The following TICRR variants were observed in gnomAD, a reference collection of about 807,000 sequenced individuals.
The protein encoded by TICRR is treslin.
A neutral mutation model predicts 178.1 loss-of-function variants in TICRR; 132 were observed. The ratio of observed to expected loss-of-function variants is 0.74; its 90% confidence interval spans 0.64 to 0.86. The LOEUF (loss-of-function observed/expected upper bound fraction) is 0.86, where lower values mean the gene tolerates loss of function less well. TICRR is among the 40% of genes least tolerant of loss of function. The probability of loss-of-function intolerance (pLI) is 0.00; values close to 1 mark genes in which losing one functional copy is unlikely to be tolerated. For missense variants in TICRR, 2,587 were observed against 2,334.3 expected (o/e 1.11, Z -2.23); for synonymous variants, 991 against 900.7 (o/e 1.10, Z -1.79).
chr15:89,605,255 G>A (rs1049729741), intron 13 of TICRR, among the ~76,000 whole-genome samples: 2 of 152,216 alleles, frequency 1.3e-5, no homozygotes, highest in Non-Finnish European at 1.5e-5. Context: ...AAAGAAACGA[G>A]CATGACTATG....
At chr15:89,614,360 G>T (rs1273294071) in intron 15 of TICRR, among the ~76,000 whole-genome samples, 1 of 150,250 alleles carries the variant, frequency 6.7e-6, no homozygotes. Flanking sequence ...TGTCACTCAG[G>T]CTGGAGTGCA....
chr15:89,601,194 T>C lies in TICRR; in HGVS notation c.2154-104T>C. ...TTAGAAAAGGCACTGGCTCTCCTCC[T>C]TTTTGGTTGTTGTGTCTTATATAAA... On this transcript the variant is annotated intron_variant, in intron 9 of 21. Coordinates refer to ENST00000268138, the MANE Select transcript of TICRR (RefSeq NM_152259.4). The C allele has an allele frequency of 5.4e-6, 5 of 920,670 alleles. No homozygotes were observed. The South Asian group carries it at 8.8e-5, about 16-fold the overall frequency. 57.0% of individuals were successfully genotyped at this position (920,670 alleles called of 1,614,324 possible).
chr15:89,625,924 G>T lies in TICRR; in HGVS notation c.5477-12G>T, dbSNP rs761612851. The T allele has an allele frequency of 1.2e-5, 19 of 1,556,454 alleles. No individual in the cohort carries two copies. The highest frequency in any genetic ancestry group is 3.8e-5 in the South Asian group (3 of 79,308). On this transcript the variant is annotated splice_polypyrimidine_tract_variant and intron_variant, in intron 20 of 21. Coordinates refer to ENST00000268138, the MANE Select transcript of TICRR (RefSeq NM_152259.4). ...CTGGGGACGCTGCTCTTACTATGTG[G>T]GATCTCTTTAGGCTCCACCCCACCT...
intron 13 of TICRR, among the ~76,000 whole-genome samples, chr15:89,605,491 C>T (rs943997257): frequency 4.6e-5 from 7 of 152,130 alleles, no homozygotes; most frequent in African/African-American, 1.7e-4. Flanking sequence ...GCCTCAGCCT[C>T]CCGAGTAGCT....
chr15:89,575,516 C>A lies in TICRR; in HGVS notation c.-71C>A, dbSNP rs1307804664. ...AGGAAAGCAGTGAGTGGTGCTGTTT[C>A]CCTGAAGGAAGGGACTAAGGGACGG... On this transcript the variant is annotated 5_prime_UTR_variant, in exon 1 of 22. Coordinates refer to ENST00000268138, the MANE Select transcript of TICRR (RefSeq NM_152259.4). 1.4e-6 allele frequency: 2 copies of A among 1,381,756 alleles called. No individual in the cohort carries two copies. Among genetic ancestry groups the A allele is most frequent in the African/African-American group, 3.0e-5 (2 of 66,664 alleles). The allele number at this position is 1,381,756 out of a possible 1,614,324, so 85.6% of individuals were successfully genotyped here. A position where few individuals can be genotyped will look rare whatever the true frequency, so the allele number is the denominator to read the frequency against.
At position 89,621,494 on chromosome 15, in the gene TICRR, C is replaced by T. The variant is rs751158792; in HGVS notation, c.3256C>T (p.Arg1086Ter). The change falls in exon 19 of 22, where the codon CGA becomes TGA. Residue 1086 changes from arginine to a stop codon, truncating the protein, a stop_gained. Transcript: ENST00000268138. LOFTEE classifies it high-confidence loss of function. ...CAGCCCCTCAGAAAAGGGTTCAGCT[C>T]GAATGAAAAAGCGTTCAAGAAACAC... is the stretch of plus-strand genomic sequence containing the variant. ...MISPSEKGSA[R>*]MKKRSRNTLD... The T allele has an allele frequency of 3.1e-6, 5 of 1,613,924 alleles. No homozygotes were observed. The highest frequency in any genetic ancestry group is 1.1e-5 in the South Asian group (1 of 91,046).
intron 15 of TICRR, among the ~76,000 whole-genome samples, chr15:89,612,038 A>G (rs956723007): frequency 6.6e-6 from 1 of 152,096 alleles, no homozygotes; most frequent in African/African-American, 2.4e-5. Context: ...GTTTCTTTGT[A>G]TACTTCGTAG....
chr15:89,600,421 T>G (rs1567045090), intron 8 of TICRR, among the ~76,000 whole-genome samples, 164 bp from the exon 9 acceptor site: 1 of 152,224 alleles, frequency 6.6e-6, no homozygotes, highest in Non-Finnish European at 1.5e-5. Context: ...TTTACCATGT[T>G]CTTTTTAAAG....
rs778782698 is a variant in TICRR, at chr15:89,619,851, C to T, written c.3154+9C>T. 6 of 1,601,864 alleles carry T rather than the reference C, an allele frequency of 3.7e-6. No homozygotes were observed. The highest frequency in any genetic ancestry group is 1.8e-5 in the Admixed American group (1 of 56,770). On this transcript the variant is annotated intron_variant, in intron 18 of 21. Coordinates refer to ENST00000268138, the MANE Select transcript of TICRR (RefSeq NM_152259.4). ...CCAGCAAGATAAGTCAGGTAACATA[C>T]GGGCCCCTCTGCCTTCACAAGTCCG...
At chr15:89,588,801 G>A (rs1350523635) in intron 4 of TICRR, among the ~76,000 whole-genome samples, 1 of 152,126 alleles carries the variant, frequency 6.6e-6, no homozygotes, top group Non-Finnish European at 1.5e-5. Flanking sequence ...GGTGAGTCGG[G>A]AGCTAACAGT....
Position 89,627,988 on chromosome 15 carries a change from AT to A in TICRR, c.*911del, listed in dbSNP as rs113145397. 7 of 157,556 alleles carry A rather than the reference AT, an allele frequency of 4.4e-5. No individual in the cohort carries two copies. The highest frequency in any genetic ancestry group is 9.7e-5 in the Non-Finnish European group (7 of 72,148). 9.8% of individuals were successfully genotyped at this position (157,556 alleles called of 1,614,324 possible). ...AAACTTCCCATTTGTCCCTTCAAAG[AT>A]TTTTTTTTATTAAATGGTTTTTTAA... On this transcript the variant is annotated 3_prime_UTR_variant, in exon 22 of 22. Transcript: ENST00000268138.
intron 1 of TICRR, among the ~76,000 whole-genome samples, chr15:89,580,394 G>A (rs975630642): frequency 1.8e-4 from 28 of 152,098 alleles, no homozygotes; most frequent in Non-Finnish European, 3.7e-4. Context: ...TGGTCTTCTG[G>A]CTGAAACAAT....
chr15:89,609,354 C>T, intron 15 of TICRR, among the ~76,000 whole-genome samples: 1 of 152,060 alleles, frequency 6.6e-6, no homozygotes, highest in East Asian at 1.9e-4. Context: ...CTCAAGCGAT[C>T]TGCCCTCCTC....
chr15:89,621,845 T>C (rs749927349), intron 19 of TICRR, among the ~76,000 whole-genome samples: 1 of 152,104 alleles, frequency 6.6e-6, no homozygotes, highest in Non-Finnish European at 1.5e-5. Context: ...CTTTCTGGAG[T>C]GTGTGACACT....
Position 89,582,882 on chromosome 15 carries a change from C to G in TICRR, c.851C>G (p.Thr284Ser). The G allele has an allele frequency of 2.5e-6, 4 of 1,614,192 alleles. No homozygotes were observed. The highest frequency in any genetic ancestry group is 2.5e-6 in the Non-Finnish European group (3 of 1,180,018). Reference protein sequence around the residue: ...PWISMLPTDATLNRLLYNSPE... With the variant: ...PWISMLPTDASLNRLLYNSPE... ...ATTTCAATGCTGCCAACTGATGCCA[C>G]TTTAAACCGTTTGCTCTACAATTCT... The change falls in exon 2 of 22, where the codon ACT becomes AGT. Residue 284 changes from threonine (T) to serine (S), a missense_variant. Thr to Ser is a moderately conservative substitution (Grantham distance 58). Transcript: ENST00000268138.
Position 89,575,868 on chromosome 15 carries a change from G to T in TICRR, c.282G>T (p.Ala94=). 1 of 1,585,998 alleles carries T rather than the reference G, an allele frequency of 6.3e-7. No individual in the cohort carries two copies. The highest frequency in any genetic ancestry group is 2.3e-5 in the East Asian group (1 of 43,532). Residue 94 remains alanine, a synonymous_variant, in exon 1 of 22, where the codon GCG becomes GCT. Transcript: ENST00000268138. ...ATCGCGCCCACCTGCCCGGCCCGGC[G>T]CCCAGGGCCACCCACACGCACGGCG... ...LEDRAHLPGP[A]PRATHTHGAL... is the part of the protein sequence containing the mutation.
At position 89,619,819 on chromosome 15, in the gene TICRR, A is replaced by G; in HGVS notation, c.3131A>G (p.His1044Arg). 6.2e-7 allele frequency: 1 copy of G among 1,612,466 alleles called. No individual in the cohort carries two copies. Among genetic ancestry groups the G allele is most frequent in the Non-Finnish European group, 8.5e-7 (1 of 1,179,554 alleles). Residue 1044 changes from histidine (H) to arginine (R), a missense_variant, in exon 18 of 22, where the codon CAC becomes CGC. Physicochemically the swap from His to Arg is conservative, Grantham distance 29. Transcript: ENST00000268138. ...AAGTCTCGAAGTGTGCAAAGAGTCC[A>G]CTCTTTCCAGCAAGATAAGTCAGGT... ...QPKSRSVQRVHSFQQDKSDQR... is the reference protein window; with the variant it reads ...QPKSRSVQRVRSFQQDKSDQR...
intron 19 of TICRR, 86 bp downstream of exon 19, chr15:89,621,636 A>C: frequency 8.5e-7 from 1 of 1,177,136 alleles, no homozygotes; most frequent in Non-Finnish European, 1.2e-6. Context: ...ATTAGGGAAG[A>C]GAAAGCAGGT....
intron 8 of TICRR, 78 bp from the exon 9 acceptor site, chr15:89,600,507 C>A: frequency 1.7e-6 from 1 of 600,938 alleles, no homozygotes; most frequent in Non-Finnish European, 2.8e-6. Flanking sequence ...AATATATTTC[C>A]CTTTAGTCAA....
Sources: allele counts gnomAD v4.1 joint callset (sites outside exome capture counted in the v4.1 genomes callset), GRCh38; gene constraint gnomAD v4.1.1; transcripts MANE v1.5; gene names NCBI Gene and HGNC (gene_info 2026-07-23, HGNC 2026-07-21).